PBX1: variants seen among roughly 807,000 people sequenced by gnomAD.
PBX1 encodes the protein PBX homeobox 1.
A neutral mutation model predicts 53.4 loss-of-function variants in PBX1; 6 were observed. The ratio of observed to expected loss-of-function variants is 0.11; its 90% confidence interval spans 0.06 to 0.22. PBX1 has a LOEUF of 0.22. Among genes scored for constraint, PBX1 ranks in the 10% least tolerant of loss-of-function variants. PBX1 has a pLI of 1.00. For synonymous variants in PBX1, 204 were observed against 212.3 expected (o/e 0.96, Z 0.34); for missense variants, 251 against 551.4 (o/e 0.46, Z 5.46).
At chr1:164,829,953 A>C (rs1490705216) in intron 8 of PBX1, 2 of 151,182 alleles carry the variant, frequency 1.3e-5, no homozygotes, top group Non-Finnish European at 1.5e-5. Context: ...TCTTGAAACT[A>C]AAAAAAAAGA....
chr1:164,658,030 G>C (rs2101939645), intron 2 of PBX1, among the ~76,000 whole-genome samples: 1 of 152,266 alleles, frequency 6.6e-6, no homozygotes, highest in East Asian at 1.9e-4. Context: ...GATTCTGGGG[G>C]ACTGGGGAGC....
chr1:164,875,990 A>ATGTG (rs1247988251), intron 2 of PBX1, among the ~76,000 whole-genome samples: 1 of 52,978 alleles, frequency 1.9e-5, no homozygotes, highest in Non-Finnish European at 6.5e-5. Context: ...GTGTATGTGT[A>ATGTG]TATATATATA....
chr1:164,778,748 C>A (rs1297099753), intron 2 of PBX1, among the ~76,000 whole-genome samples: 1 of 152,144 alleles, frequency 6.6e-6, no homozygotes, highest in Non-Finnish European at 1.5e-5. Context: ...AAATGAAATT[C>A]TGCAAAAGGC....
At chr1:164,868,795 A>T (rs1239084962) in intron 2 of PBX1, among the ~76,000 whole-genome samples, 1 of 152,170 alleles carries the variant, frequency 6.6e-6, no homozygotes, top group African/African-American at 2.4e-5. Flanking sequence ...GATATGGTTC[A>T]GATTCTTTAA....
chr1:164,664,303 T>C (rs1383288905), intron 2 of PBX1, among the ~76,000 whole-genome samples: 5 of 152,212 alleles, frequency 3.3e-5, no homozygotes, highest in African/African-American at 1.2e-4. Context: ...CTCTGTAAGA[T>C]GAGGGAGTTT....
intron 4 of PBX1, among the ~76,000 whole-genome samples, chr1:164,803,614 G>A (rs899791608): frequency 2.0e-5 from 3 of 152,172 alleles, no homozygotes; most frequent in African/African-American, 7.2e-5. Context: ...CGAGTCTTTG[G>A]GGAACGCAGA....
At chr1:164,592,877 G>GCT (rs1655492411) in intron 2 of PBX1, among the ~76,000 whole-genome samples, 1 of 152,196 alleles carries the variant, frequency 6.6e-6, no homozygotes, top group African/African-American at 2.4e-5. Flanking sequence ...GTGACAGGCT[G>GCT]CTCTCTCTCC....
At chr1:164,658,188 CTG>C (rs1660276290) in intron 2 of PBX1, among the ~76,000 whole-genome samples, 1 of 150,872 alleles carries the variant, frequency 6.6e-6, no homozygotes, top group African/African-American at 2.4e-5. Flanking sequence ...AAAAGAAAGA[CTG>C]GAATTTAAAA....
At chr1:164,621,735 A>C (rs1333803995) in intron 2 of PBX1, among the ~76,000 whole-genome samples, 1 of 152,222 alleles carries the variant, frequency 6.6e-6, no homozygotes, top group Non-Finnish European at 1.5e-5. Flanking sequence ...ATCAATGGAC[A>C]TACCTGAACA....
At chr1:164,833,224 C>T (rs1348361874) in intron 8 of PBX1, among the ~76,000 whole-genome samples, 13 of 149,754 alleles carry the variant, frequency 8.7e-5, no homozygotes, top group Non-Finnish European at 1.9e-4. Flanking sequence ...AAAAACAAAA[C>T]CTGAAGGTAA....
intron 2 of PBX1, among the ~76,000 whole-genome samples, chr1:164,689,597 G>A (rs915382386): frequency 6.6e-6 from 1 of 152,156 alleles, no homozygotes; most frequent in African/African-American, 2.4e-5. Context: ...GGCCCAAGAG[G>A]GAATGAGAAG....
chr1:164,676,049 A>G (rs988739617), intron 2 of PBX1, among the ~76,000 whole-genome samples: 6 of 152,170 alleles, frequency 3.9e-5, no homozygotes, highest in Non-Finnish European at 8.8e-5. Flanking sequence ...TCCTTACCCC[A>G]GTTCCTGAGC....
intron 2 of PBX1, among the ~76,000 whole-genome samples, chr1:164,660,886 C>T (rs1167436395): frequency 1.3e-5 from 2 of 152,064 alleles, no homozygotes; most frequent in East Asian, 3.9e-4. Context: ...ATATCCTCTC[C>T]CCTCACAAAT....
intron 2 of PBX1, among the ~76,000 whole-genome samples, chr1:164,693,548 C>T (rs1051120087): frequency 6.6e-6 from 1 of 152,114 alleles, no homozygotes; most frequent in Non-Finnish European, 1.5e-5. Flanking sequence ...TTTCCTACCA[C>T]ACCTGACACT....
At chr1:164,566,343 AT>A (rs1211431859) in intron 2 of PBX1, among the ~76,000 whole-genome samples, 4 of 152,214 alleles carry the variant, frequency 2.6e-5, no homozygotes, top group African/African-American at 9.7e-5. Context: ...TTTTAAAAAA[AT>A]AAATGCTAAG....
chr1:164,684,215 T>C (rs1244268882), intron 2 of PBX1: 1 of 152,246 alleles, frequency 6.6e-6, no homozygotes, highest in East Asian at 1.9e-4. Context: ...TGTGAATTCC[T>C]TAAGCTCAAG....
intron 2 of PBX1, among the ~76,000 whole-genome samples, chr1:164,564,859 C>G (rs184941290): frequency 1.5e-3 from 230 of 150,756 alleles, no homozygotes; most frequent in African/African-American, 5.2e-3. Context: ...TCTCTTTTTT[C>G]TTCTTTGATC....
rs142340020 is a variant in PBX1 at position 164,862,306 on chromosome 1, G to A, written n.257+30823G>A. Among the ~76,000 whole-genome samples the A allele has an allele frequency of 3.0e-3, 452 of 152,232 alleles. 3 individuals carry two copies. Among genetic ancestry groups the A allele is most frequent in the African/African-American group, 0.01 (420 of 41,536 alleles). On this transcript the variant is annotated intron_variant and non_coding_transcript_variant, in intron 2 of 2. Coordinates refer to the PBX1 transcript ENST00000558796. The stretch of plus-strand genomic sequence containing the variant: ...TCTTCATGCTAGAACACCTTCCCGG[G>A]TTTCAAAGCTCAGTGCCAATGCCAC...
At chr1:164,883,861 C>T (rs1448448898) in intron 2 of PBX1, among the ~76,000 whole-genome samples, 3 of 152,138 alleles carry the variant, frequency 2.0e-5, no homozygotes, top group Admixed American at 6.6e-5. Flanking sequence ...TATATTAAGG[C>T]TGGGTTCTAT....
Sources: gnomAD v4.1 joint callset for allele counts (sites outside exome capture counted in the v4.1 genomes callset) on GRCh38, gnomAD v4.1.1 for gene constraint, MANE v1.5 for transcripts, NCBI Gene and HGNC (gene_info 2026-07-23, HGNC 2026-07-21) for gene names.